XDH: variants seen among roughly 807,000 people sequenced by gnomAD.
XDH encodes xanthine dehydrogenase/oxidase.
Under a neutral mutation model 156.1 loss-of-function variants are expected in XDH, and 138 were observed. The observed-to-expected ratio is 0.88, with a 90% CI of 0.77 to 1.02. The LOEUF (loss-of-function observed/expected upper bound fraction) is 1.02. XDH is among the 50% of genes least tolerant of loss of function. XDH has a pLI of 0.00. For missense variants in XDH, 1,849 were observed against 1,684.9 expected (o/e 1.10, Z -1.71); for synonymous variants, 669 against 625.7 (o/e 1.07, Z -1.03).
At chr2:31,380,690 G>A (rs1011613426) in intron 12 of XDH, among the ~76,000 whole-genome samples, 2 of 152,194 alleles carry the variant, frequency 1.3e-5, no homozygotes, top group South Asian at 4.1e-4. Context: ...TTGCTCCCAT[G>A]TATCTTTTCC....
chr2:31,386,060 T>A (rs1189266306), intron 9 of XDH, among the ~76,000 whole-genome samples: 3 of 152,180 alleles, frequency 2.0e-5, no homozygotes, highest in Non-Finnish European at 4.4e-5. Flanking sequence ...TGTAAATGTT[T>A]GTGGAGAGAA....
At chr2:31,337,539 G>A in intron 35 of XDH, 102 bp downstream of exon 35, 2 of 1,566,332 alleles carry the variant, frequency 1.3e-6, no homozygotes, top group Non-Finnish European at 1.8e-6. Flanking sequence ...GCCCGGTTAG[G>A]AGAGAGCCCA....
At chr2:31,385,085 T>A (rs1477185577) in intron 9 of XDH, among the ~76,000 whole-genome samples, 1 of 152,068 alleles carries the variant, frequency 6.6e-6, no homozygotes, top group Admixed American at 6.5e-5. Flanking sequence ...TGTGAAATGA[T>A]CCCCTTGAGG....
rs370085305 is a variant in XDH at position 31,348,367 on chromosome 2, G to A, written c.3052-4C>T. ...ACACATGAAGTAGGGCTCCTGCCTA[G>A]GGAAAGAGAAGGATGCCAGACACAA... On this transcript the variant is annotated splice_region_variant and splice_polypyrimidine_tract_variant and intron_variant, in intron 27 of 35. Transcript: ENST00000379416. The A allele has an allele frequency of 7.6e-4, 1,230 of 1,613,926 alleles. 4 individuals carry two copies. The highest frequency in any genetic ancestry group is 9.7e-4 in the South Asian group (88 of 91,044).
chr2:31,341,239 G>T (rs1317778616), intron 33 of XDH, 90 bp downstream of exon 33: 2 of 1,283,118 alleles, frequency 1.6e-6, no homozygotes, highest in African/African-American at 1.5e-5. Context: ...AGACAACCTT[G>T]GACAACATGT....
chr2:31,353,213 A>T (rs918655771), intron 24 of XDH, among the ~76,000 whole-genome samples: 1 of 152,182 alleles, frequency 6.6e-6, no homozygotes, highest in Non-Finnish European at 1.5e-5. Flanking sequence ...CATCTCCCAA[A>T]GCTGTGACCA....
intron 18 of XDH, 48 bp downstream of exon 18, chr2:31,370,307 C>A (rs1429653781): frequency 6.2e-7 from 1 of 1,604,098 alleles, no homozygotes; most frequent in Non-Finnish European, 8.5e-7. Flanking sequence ...CAAATTAAAA[C>A]TTCAATACTT....
chr2:31,393,386 T>G (rs1686825375), intron 6 of XDH, among the ~76,000 whole-genome samples: 1 of 152,218 alleles, frequency 6.6e-6, no homozygotes, highest in Admixed American at 6.5e-5. Context: ...TTAATGCCCC[T>G]CTTTTTCTCT....
intron 34 of XDH, 148 bp downstream of exon 34, chr2:31,339,341 C>G (rs1447341377): frequency 9.1e-7 from 1 of 1,103,940 alleles, no homozygotes; most frequent in East Asian, 2.4e-5. Flanking sequence ...TCCCACTGCC[C>G]CTACCAAGGT....
At chr2:31,357,323 A>G (rs1387313272) in intron 24 of XDH, among the ~76,000 whole-genome samples, 3 of 152,348 alleles carry the variant, frequency 2.0e-5, no homozygotes, top group African/African-American at 7.2e-5. Context: ...CTTTAAAAAG[A>G]GCAATAAAAT....
rs772878388 is a variant in XDH, at chr2:31,350,103, GC to G, written c.2751del (p.Gln919ArgfsTer10). 6.2e-6 allele frequency: 10 copies of G among 1,614,110 alleles called. No individual in the cohort carries two copies. Among genetic ancestry groups the G allele is most frequent in the Non-Finnish European group, 5.9e-6 (7 of 1,180,042 alleles). On this transcript the variant is annotated frameshift_variant, in exon 25 of 36. Transcript: ENST00000379416. LOFTEE classifies it high-confidence loss of function. ...PSNTAFRGFGGPQGMLIAECW... is the reference protein window; with the variant it reads ...PSNTAFRGFGXPQGMLIAECW... Reference sequence around the variant, plus strand: ...CACTCGGCAATGAGCATCCCCTGGGGCCCCCCAAAGCCCCGGAAGGCCGTGT... The same window carrying G: ...CACTCGGCAATGAGCATCCCCTGGGGCCCCCAAAGCCCCGGAAGGCCGTGT...
intron 13 of XDH, among the ~76,000 whole-genome samples, chr2:31,378,319 G>T (rs1312307498): frequency 1.3e-5 from 2 of 152,052 alleles, no homozygotes; most frequent in Non-Finnish European, 2.9e-5. Flanking sequence ...TAGGAGGAGA[G>T]CATGAGCTAT....
At position 31,368,551 on chromosome 2, in the gene XDH, A is replaced by G; in HGVS notation, c.2090T>C (p.Ile697Thr). ...CCCATTCTCAGTTACCTCAATTGTGATAATGGCTGGTAGTTCTTCATAGGT... is the reference window on the plus strand; with the variant it reads ...CCCATTCTCAGTTACCTCAATTGTGGTAATGGCTGGTAGTTCTTCATAGGT... ...KITYEELPAI[I>T]TIEDAIKNNS... The change falls in exon 19 of 36, where the codon ATC becomes ACC. Residue 697 changes from isoleucine to threonine, a missense_variant. Coordinates refer to ENST00000379416, the MANE Select transcript of XDH (RefSeq NM_000379.4). 2 of 1,614,206 alleles carry G rather than the reference A, an allele frequency of 1.2e-6. No individual in the cohort carries two copies. The highest frequency in any genetic ancestry group is 1.7e-6 in the Non-Finnish European group (2 of 1,180,028).
chr2:31,348,811 C>T, intron 27 of XDH, 88 bp downstream of exon 27: 1 of 1,251,342 alleles, frequency 8.0e-7, no homozygotes, highest in Non-Finnish European at 1.2e-6. Context: ...TTACCAGTGA[C>T]AACGAAATTT....
intron 2 of XDH, 135 bp downstream of exon 2, chr2:31,405,772 C>A: frequency 1.1e-6 from 1 of 921,312 alleles, no homozygotes; most frequent in Non-Finnish European, 1.8e-6. Flanking sequence ...ATGCAAGTGT[C>A]CCAAGTCCTA....
chr2:31,339,592 C>T lies in XDH; in HGVS notation c.3671G>A (p.Gly1224Asp). Reference protein sequence around the residue: ...YSPEGSLHTRGPSTYKIPAFG... With the variant: ...YSPEGSLHTRDPSTYKIPAFG... ...TGCCGGGATCTTGTAGGTGCTAGGG[C>T]CACGGGTGTGCAGGCTCCCCTCGGG... is the stretch of plus-strand genomic sequence containing the variant. Residue 1224 changes from glycine (G) to aspartate (D), a missense_variant, in exon 34 of 36, where the codon GGC becomes GAC. Gly to Asp is a moderately conservative substitution (Grantham distance 94). Transcript: ENST00000379416. The T allele has an allele frequency of 6.2e-7, 1 of 1,614,176 alleles. No individual in the cohort carries two copies. The highest frequency in any genetic ancestry group is 8.5e-7 in the Non-Finnish European group (1 of 1,180,030).
intron 13 of XDH, among the ~76,000 whole-genome samples, chr2:31,378,086 GAAAGAA>G: frequency 4.5e-5 from 2 of 44,390 alleles, no homozygotes; most frequent in Non-Finnish European, 8.3e-5. Flanking sequence ...AAGAAAGAAA[GAAAGAA>G]AGAAAGAAAG....
At chr2:31,401,681 AGC>A in intron 3 of XDH, among the ~76,000 whole-genome samples, 1 of 152,228 alleles carries the variant, frequency 6.6e-6, no homozygotes, top group East Asian at 1.9e-4. Flanking sequence ...GGCAGGCTGC[AGC>A]CTTAAAGCAT....
At chr2:31,348,051 T>G (rs45461698) in intron 28 of XDH, among the ~76,000 whole-genome samples, 53 of 152,258 alleles carry the variant, frequency 3.5e-4, no homozygotes, top group Non-Finnish European at 6.5e-4. Flanking sequence ...ATGTTGGTAA[T>G]AGCAATGTCC....
Sources: allele counts gnomAD v4.1 joint callset (sites outside exome capture counted in the v4.1 genomes callset), GRCh38; gene constraint gnomAD v4.1.1; transcripts MANE v1.5; gene names NCBI Gene and HGNC (gene_info 2026-07-23, HGNC 2026-07-21).